Variants in INO80C observed in about 807,000 individuals in gnomAD.
INO80C encodes the protein IES6 homolog.
Under a neutral mutation model 17.7 loss-of-function variants are expected in INO80C, and 17 were observed. That is an observed-to-expected ratio of 0.96 (90% CI 0.66 to 1.44). The LOEUF (loss-of-function observed/expected upper bound fraction) is 1.44, where lower values mean the gene tolerates loss of function less well. Ranked by LOEUF, INO80C falls within the 40% of genes most tolerant of loss-of-function variation. INO80C has a pLI of 0.00. For missense variants in INO80C, 244 were observed against 245.0 expected (o/e 1.00, Z 0.03); for synonymous variants, 96 against 95.8 (o/e 1.00, Z -0.01).
chr18:35,478,226 G>T, intron 4 of INO80C, 56 bp downstream of exon 4: 1 of 1,275,662 alleles, frequency 7.8e-7, no homozygotes, highest in Non-Finnish European at 1.1e-6. Flanking sequence ...TGTCTAATTA[G>T]ACATTACTGT....
chr18:35,496,003 A>C (rs2045977022), intron 1 of INO80C, among the ~76,000 whole-genome samples: 1 of 152,200 alleles, frequency 6.6e-6, no homozygotes, highest in South Asian at 2.1e-4. Flanking sequence ...ACAATGAAAG[A>C]CTGACAATAC....
chr18:35,491,280 G>T (rs2045930294), intron 1 of INO80C, among the ~76,000 whole-genome samples: 1 of 152,202 alleles, frequency 6.6e-6, no homozygotes, highest in South Asian at 2.1e-4. Context: ...TAAGGAGAGG[G>T]TGGTAATGAA....
At chr18:35,494,537 C>G (rs355332) in intron 1 of INO80C, among the ~76,000 whole-genome samples, 114,610 of 152,196 alleles carry the variant, frequency 0.75, 43,317 homozygotes, top group East Asian at 0.98. Flanking sequence ...AAATGGAAAA[C>G]GCCATGTGGC....
At chr18:35,491,448 G>C (rs571414973) in intron 1 of INO80C, among the ~76,000 whole-genome samples, 1 of 152,296 alleles carries the variant, frequency 6.6e-6, no homozygotes, top group South Asian at 2.1e-4. Context: ...TGGGAAGTCA[G>C]GCTGAAGAGA....
At position 35,497,912 on chromosome 18, in the gene INO80C, C is replaced by CCCA. The variant is rs2046002929; in HGVS notation, c.-41_-39dup. On this transcript the variant is annotated 5_prime_UTR_variant, in exon 1 of 5. Coordinates refer to ENST00000334598, the MANE Select transcript of INO80C (RefSeq NM_194281.4). ...CTTCCCCTGGTCCCCCCACCTTTTT[C>CCCA]CCAGCGCGGGCCTTGGAACTTCCTT... The CCCA allele has an allele frequency of 6.7e-7, 1 of 1,494,524 alleles. No homozygotes were observed. Among genetic ancestry groups the CCCA allele is most frequent in the African/African-American group, 1.5e-5 (1 of 68,834 alleles). The allele number at this position is 1,494,524 out of a possible 1,614,324, so 92.6% of individuals were successfully genotyped here.
At chr18:35,478,200 A>T (rs755830455) in intron 4 of INO80C, 82 bp downstream of exon 4, 46 of 1,065,700 alleles carry the variant, frequency 4.3e-5, no homozygotes, top group Non-Finnish European at 6.3e-5. Context: ...ACCAGCCATG[A>T]TCAATATTCA....
In INO80C at chr18:35,480,445, A is replaced by G. The variant is rs772066580; in HGVS notation, c.267+8T>C. Reference sequence around the variant, plus strand: ...GATGTTTATTCAGCTAATACCTTCGATGCTTACCACAAAGTTGGGATCCTT... The same window carrying G: ...GATGTTTATTCAGCTAATACCTTCGGTGCTTACCACAAAGTTGGGATCCTT... On this transcript the variant is annotated splice_region_variant and intron_variant, in intron 2 of 4. Transcript: ENST00000334598. 6.3e-7 allele frequency: 1 copy of G among 1,586,746 alleles called. No homozygotes were observed. Among genetic ancestry groups the G allele is most frequent in the East Asian group, 2.2e-5 (1 of 44,752 alleles).
intron 4 of INO80C, among the ~76,000 whole-genome samples, chr18:35,474,580 G>A (rs2045712474): frequency 6.6e-6 from 1 of 151,888 alleles, no homozygotes; most frequent in African/African-American, 2.4e-5. Context: ...CTAGCTTCCG[G>A]GGAGGCTGAA....
intron 1 of INO80C, among the ~76,000 whole-genome samples, chr18:35,487,122 A>C (rs1463216440): frequency 1.3e-5 from 2 of 152,234 alleles, no homozygotes; most frequent in African/African-American, 2.4e-5. Flanking sequence ...CTCAAATCTA[A>C]CATCATTAGT....
chr18:35,491,234 C>T (rs2045929912), intron 1 of INO80C, among the ~76,000 whole-genome samples: 1 of 152,058 alleles, frequency 6.6e-6, no homozygotes, highest in Admixed American at 6.5e-5. Context: ...CAGGGGCCCT[C>T]GTTAGATTCA....
chr18:35,486,755 A>G (rs1290215528), intron 1 of INO80C, among the ~76,000 whole-genome samples: 1 of 149,742 alleles, frequency 6.7e-6, no homozygotes, highest in Non-Finnish European at 1.5e-5. Context: ...ACTGCATTCC[A>G]GCCCAGGCAA....
At chr18:35,492,421 C>T (rs569130795) in intron 1 of INO80C, among the ~76,000 whole-genome samples, 2 of 152,088 alleles carry the variant, frequency 1.3e-5, no homozygotes, top group East Asian at 1.9e-4. Context: ...AAGTGAAAAA[C>T]GGGGCACGTA....
chr18:35,497,040 T>C (rs2144100310), intron 1 of INO80C, among the ~76,000 whole-genome samples: 1 of 152,350 alleles, frequency 6.6e-6, no homozygotes, highest in South Asian at 2.1e-4. Context: ...ACTCTATCTC[T>C]GCTTTTTTGC....
chr18:35,475,319 T>A (rs1050407310), intron 4 of INO80C, among the ~76,000 whole-genome samples: 1 of 152,170 alleles, frequency 6.6e-6, no homozygotes, highest in Non-Finnish European at 1.5e-5. Flanking sequence ...GAAAAAACTG[T>A]CAGCCCAGAC....
At chr18:35,482,515 G>C (rs2045822925) in intron 1 of INO80C, among the ~76,000 whole-genome samples, 1 of 152,084 alleles carries the variant, frequency 6.6e-6, no homozygotes, top group South Asian at 2.1e-4. Context: ...CCCCTCTCCA[G>C]GTCTCTCCAC....
intron 4 of INO80C, among the ~76,000 whole-genome samples, chr18:35,471,923 G>C (rs1375095552): frequency 6.6e-6 from 1 of 152,058 alleles, no homozygotes; most frequent in Non-Finnish European, 1.5e-5. Flanking sequence ...CCCTACAAAG[G>C]ACATGAACTC....
intron 4 of INO80C, among the ~76,000 whole-genome samples, chr18:35,476,994 A>C (rs905736797): frequency 6.6e-6 from 1 of 152,268 alleles, no homozygotes; most frequent in African/African-American, 2.4e-5. Flanking sequence ...CTGTAATCCC[A>C]GCACTTTGGG....
intron 4 of INO80C, among the ~76,000 whole-genome samples, chr18:35,471,780 G>A (rs867043306): frequency 3.6e-5 from 5 of 139,462 alleles, no homozygotes; most frequent in South Asian, 2.5e-4. Flanking sequence ...ACATTCCCCG[G>A]AGTGTGATGT....
intron 4 of INO80C, among the ~76,000 whole-genome samples, chr18:35,475,204 A>G (rs1480930971): frequency 6.6e-6 from 1 of 152,234 alleles, no homozygotes; most frequent in Non-Finnish European, 1.5e-5. Flanking sequence ...AACAAGAAAC[A>G]TTACATAGAG....
Sources: allele counts gnomAD v4.1 joint callset (sites outside exome capture counted in the v4.1 genomes callset), GRCh38; gene constraint gnomAD v4.1.1; transcripts MANE v1.5; gene names NCBI Gene and HGNC (gene_info 2026-07-23, HGNC 2026-07-21).